KCNMB2: variants seen among roughly 807,000 people sequenced by gnomAD.
KCNMB2 encodes the protein potassium calcium-activated channel subfamily M regulatory beta subunit 2.
In KCNMB2, 9 loss-of-function variants were observed where a neutral mutation model predicts 24.5. That is an observed-to-expected ratio of 0.37 (90% confidence interval 0.22 to 0.64). The LOEUF (loss-of-function observed/expected upper bound fraction) is 0.64. Among genes scored for constraint, KCNMB2 ranks in the 30% least tolerant of loss-of-function variants. The pLI is 0.63. For synonymous variants in KCNMB2, 109 were observed against 104.4 expected (o/e 1.04, Z -0.27); for missense variants, 226 against 284.3 (o/e 0.79, Z 1.47).
In KCNMB2 at chr3:178,702,389, A is replaced by T. The variant is rs28454324; in HGVS notation, c.-67-104954A>T. 6.8e-3 allele frequency among the ~76,000 whole-genome samples: 1,038 copies of T among 151,844 alleles called. 12 individuals are homozygous for T. Among genetic ancestry groups the T allele is most frequent in the African/African-American group, 0.024 (974 of 41,426 alleles). The stretch of plus-strand genomic sequence containing the variant: ...TGGCACATGTATACATATGTAACAA[A>T]CCTGCATTTTGTGCACATGTACCCT... On this transcript the variant is annotated intron_variant, in intron 1 of 4. Transcript: ENST00000452583.
Position 178,832,924 on chromosome 3 carries a change from CTT to C in KCNMB2, c.423+4552_423+4553del, listed in dbSNP as rs776042970. Among the ~76,000 whole-genome samples the C allele has an allele frequency of 2.5e-5, 2 of 80,690 alleles. 1 individual carries two copies. The highest frequency in any genetic ancestry group is 4.6e-5 in the Non-Finnish European group (2 of 43,474). 52.9% of individuals were successfully genotyped at this position (80,690 alleles called of 152,430 possible). On this transcript the variant is annotated intron_variant, in intron 4 of 4. Coordinates refer to ENST00000452583, the MANE Select transcript of KCNMB2 (RefSeq NM_181361.3). Reference sequence around the variant, plus strand: ...TATACCTGTTCTGTTTTTGTTTTCTCTTGTTTGCTTTCATGTTGTCTTATAAT... The same window carrying C: ...TATACCTGTTCTGTTTTTGTTTTCTCGTTTGCTTTCATGTTGTCTTATAAT...
intron 1 of KCNMB2, among the ~76,000 whole-genome samples, chr3:178,679,787 T>A (rs1721203289): frequency 6.6e-6 from 1 of 152,124 alleles, no homozygotes; most frequent in Non-Finnish European, 1.5e-5. Context: ...AACAGAGACA[T>A]TAAATTTAAA....
intron 1 of KCNMB2, among the ~76,000 whole-genome samples, chr3:178,582,533 G>T (rs1209679106): frequency 6.6e-6 from 1 of 152,080 alleles, no homozygotes; most frequent in East Asian, 1.9e-4. Context: ...ATCAGATAAG[G>T]AGCATAACAA....
intron 1 of KCNMB2, among the ~76,000 whole-genome samples, chr3:178,573,357 A>C (rs1374532052): frequency 6.6e-6 from 1 of 152,106 alleles, no homozygotes; most frequent in Non-Finnish European, 1.5e-5. Context: ...TAAGGTCTAA[A>C]TCAGTAGTAT....
intron 1 of KCNMB2, among the ~76,000 whole-genome samples, chr3:178,681,882 G>A (rs756776962): frequency 3.3e-5 from 5 of 152,114 alleles, no homozygotes; most frequent in South Asian, 4.1e-4. Context: ...AATGGTCTGC[G>A]GGGAGAGCAG....
At chr3:178,700,686 T>G (rs1462094249) in intron 1 of KCNMB2, among the ~76,000 whole-genome samples, 9 of 152,158 alleles carry the variant, frequency 5.9e-5, no homozygotes, top group Non-Finnish European at 1.5e-5. Context: ...CAACATATAT[T>G]ACTCGTGACA....
At chr3:178,695,093 T>C (rs1295983810) in intron 1 of KCNMB2, among the ~76,000 whole-genome samples, 2 of 152,236 alleles carry the variant, frequency 1.3e-5, no homozygotes, top group Non-Finnish European at 2.9e-5. Flanking sequence ...CCTCAATTCT[T>C]GTATGCTACA....
chr3:178,651,159 C>G (rs1410606123), intron 1 of KCNMB2, among the ~76,000 whole-genome samples: 2 of 152,058 alleles, frequency 1.3e-5, no homozygotes, highest in African/African-American at 4.8e-5. Flanking sequence ...TTTGGAAAAC[C>G]CCATCGTCTC....
chr3:178,828,342 A>G lies in KCNMB2; in HGVS notation c.392A>G (p.His131Arg). The change falls in exon 4 of 5, where the codon CAC becomes CGC. Residue 131 changes from histidine to arginine, a missense_variant. His to Arg is a conservative substitution (Grantham distance 29). Transcript: ENST00000452583. Reference sequence around the variant, plus strand: ...TCCGGGGAAAAGCTCCTCCTCTACCACACAGAAGAGACAATAAAAATCAAT... The same window carrying G: ...TCCGGGGAAAAGCTCCTCCTCTACCGCACAGAAGAGACAATAAAAATCAAT... ...TSSGEKLLLY[H>R]TEETIKINQK... 6.2e-7 allele frequency: 1 copy of G among 1,613,778 alleles called. No individual in the cohort carries two copies.
chr3:178,656,410 A>G (rs1215635561), intron 1 of KCNMB2, among the ~76,000 whole-genome samples: 1 of 152,214 alleles, frequency 6.6e-6, no homozygotes, highest in Non-Finnish European at 1.5e-5. Flanking sequence ...ATATTATAGC[A>G]TATGTCAGAA....
intron 1 of KCNMB2, among the ~76,000 whole-genome samples, chr3:178,598,484 C>T (rs899211896): frequency 6.6e-6 from 1 of 151,978 alleles, no homozygotes. Flanking sequence ...CAGTAATTCA[C>T]ATCAATAATG....
intron 1 of KCNMB2, among the ~76,000 whole-genome samples, chr3:178,596,504 C>G (rs367807798): frequency 6.6e-6 from 1 of 152,172 alleles, no homozygotes; most frequent in Non-Finnish European, 1.5e-5. Flanking sequence ...CTAAGCTTTC[C>G]CTAATTACAC....
At chr3:178,562,177 G>T (rs374417060) in intron 1 of KCNMB2, among the ~76,000 whole-genome samples, 9 of 152,316 alleles carry the variant, frequency 5.9e-5, no homozygotes, top group African/African-American at 1.7e-4. Context: ...TGACCTTCCT[G>T]TCAGATATGT....
chr3:178,715,731 T>C (rs574107032), intron 1 of KCNMB2, among the ~76,000 whole-genome samples: 68 of 152,330 alleles, frequency 4.5e-4, no homozygotes, highest in African/African-American at 1.6e-3. Context: ...GCAGTTGGCA[T>C]TTGTCAAGTA....
intron 1 of KCNMB2, among the ~76,000 whole-genome samples, chr3:178,775,388 T>C (rs56776261): frequency 0.014 from 2,175 of 152,212 alleles, 42 homozygotes; most frequent in South Asian, 0.07. Flanking sequence ...CCCAGAGAAA[T>C]TGTTTTAAAG....
intron 1 of KCNMB2, among the ~76,000 whole-genome samples, chr3:178,647,303 T>C (rs1044625058): frequency 2.0e-5 from 3 of 152,204 alleles, no homozygotes; most frequent in African/African-American, 7.2e-5. Flanking sequence ...ATGAAGTTCA[T>C]TACCTGTGTG....
intron 1 of KCNMB2, among the ~76,000 whole-genome samples, chr3:178,627,057 A>C (rs1466937270): frequency 1.3e-5 from 2 of 151,938 alleles, no homozygotes; most frequent in African/African-American, 4.8e-5. Context: ...TAAAATTATT[A>C]AGTGCAATTA....
intron 1 of KCNMB2, among the ~76,000 whole-genome samples, chr3:178,771,468 TCTTTC>T (rs1391044068): frequency 6.9e-6 from 1 of 145,378 alleles, no homozygotes; most frequent in East Asian, 2.0e-4. Context: ...TTTCTTTCTT[TCTTTC>T]TTTTTTTTTT....
chr3:178,703,157 C>T (rs1260667217), intron 1 of KCNMB2, among the ~76,000 whole-genome samples: 1 of 151,870 alleles, frequency 6.6e-6, no homozygotes, highest in African/African-American at 2.4e-5. Flanking sequence ...TGACAATGAC[C>T]ACGAGTTCTT....
Sources: allele counts gnomAD v4.1 joint callset (sites outside exome capture counted in the v4.1 genomes callset), GRCh38; gene constraint gnomAD v4.1.1; transcripts MANE v1.5; gene names NCBI Gene and HGNC (gene_info 2026-07-23, HGNC 2026-07-21).